Variants in ARHGAP26 observed in about 807,000 individuals in gnomAD.
ARHGAP26 encodes the protein Rho GTPase activating protein 26.
Under a neutral mutation model 104.8 loss-of-function variants are expected in ARHGAP26, and 38 were observed. The ratio of observed to expected loss-of-function variants is 0.36; its 90% CI spans 0.28 to 0.48. ARHGAP26 has a LOEUF of 0.48. Among genes scored for constraint, ARHGAP26 ranks in the 20% least tolerant of loss-of-function variants. ARHGAP26 has a pLI of 0.99. For missense variants in ARHGAP26, 704 were observed against 947.9 expected (o/e 0.74, Z 3.38); for synonymous variants, 341 against 340.0 (o/e 1.00, Z -0.03).
At chr5:143,096,360 A>C (rs1347666574) in intron 17 of ARHGAP26, among the ~76,000 whole-genome samples, 1 of 152,212 alleles carries the variant, frequency 6.6e-6, no homozygotes, top group Non-Finnish European at 1.5e-5. Context: ...TGAAAGCATA[A>C]ATTTTATCAT....
At chr5:142,976,657 T>C (rs779837669) in intron 11 of ARHGAP26, among the ~76,000 whole-genome samples, 14 of 152,178 alleles carry the variant, frequency 9.2e-5, no homozygotes, top group African/African-American at 2.4e-5. Context: ...AAGATATTTT[T>C]TTACATGCCA....
At chr5:142,847,433 C>T (rs552434598) in intron 1 of ARHGAP26, among the ~76,000 whole-genome samples, 1 of 152,116 alleles carries the variant, frequency 6.6e-6, no homozygotes, top group East Asian at 1.9e-4. Context: ...TCTCGGCTCA[C>T]AGCAACCTCT....
rs1215657095 is a variant in ARHGAP26, at chr5:143,202,566, G to GA, written c.1989-4626dup. ...ACCACTGACTTCCTTCACAGAATTA[G>GA]AAAAAACTACTTTAAATTTCATATG... is the stretch of plus-strand genomic sequence containing the variant. On this transcript the variant is annotated intron_variant, in intron 20 of 22. Coordinates refer to ENST00000645722, the MANE Select transcript of ARHGAP26 (RefSeq NM_001135608.3). 7.2e-5 allele frequency: 11 copies of GA among 152,136 alleles called. No individual in the cohort carries two copies. The South Asian group carries it at 2.3e-3, about 32-fold the overall frequency. 9.4% of individuals were successfully genotyped at this position (152,136 alleles called of 1,614,324 possible).
intron 17 of ARHGAP26, among the ~76,000 whole-genome samples, chr5:143,092,427 G>A (rs1189162612): frequency 6.6e-6 from 1 of 152,130 alleles, no homozygotes; most frequent in Non-Finnish European, 1.5e-5. Flanking sequence ...GCCTCCCAAA[G>A]TGCTGGGATT....
At chr5:142,854,638 T>G (rs1289915047) in intron 1 of ARHGAP26, among the ~76,000 whole-genome samples, 3 of 152,220 alleles carry the variant, frequency 2.0e-5, no homozygotes, top group Non-Finnish European at 4.4e-5. Context: ...TATTCTTACC[T>G]TCAGCAAAGG....
chr5:143,032,633 T>C (rs1298852674), intron 12 of ARHGAP26, among the ~76,000 whole-genome samples: 1 of 152,222 alleles, frequency 6.6e-6, no homozygotes, highest in Non-Finnish European at 1.5e-5. Flanking sequence ...CTTTTCAGAC[T>C]AGGAGATCTC....
chr5:143,201,156 C>G (rs746209278), intron 20 of ARHGAP26, among the ~76,000 whole-genome samples: 3 of 152,138 alleles, frequency 2.0e-5, no homozygotes, highest in Non-Finnish European at 4.4e-5. Context: ...GTAAGCCTAC[C>G]AGTTGAATCC....
At chr5:143,125,462 G>A (rs1360610996) in intron 18 of ARHGAP26, among the ~76,000 whole-genome samples, 1 of 152,206 alleles carries the variant, frequency 6.6e-6, no homozygotes, top group African/African-American at 2.4e-5. Context: ...CAGATAGAGT[G>A]CACTAACGAC....
chr5:142,995,384 T>C (rs1184993187), intron 11 of ARHGAP26, among the ~76,000 whole-genome samples: 1 of 152,184 alleles, frequency 6.6e-6, no homozygotes, highest in African/African-American at 2.4e-5. Flanking sequence ...AGACAAAATT[T>C]ATGCTGCCAA....
rs368839966 is a variant in ARHGAP26, at chr5:142,836,560, A to G, written c.155-36840A>G. 2.6e-5 allele frequency among the ~76,000 whole-genome samples: 4 copies of G among 152,330 alleles called. No homozygotes were observed. The East Asian group carries it at 5.8e-4, about 22-fold the overall frequency. On this transcript the variant is annotated intron_variant, in intron 1 of 22. Transcript: ENST00000645722. ...AGTAATTTCCATAGTTTTCCTTGGC[A>G]TCACTGAGTATTTTGAGACATCTCG...
chr5:143,096,046 ATG>A (rs1049656461), intron 17 of ARHGAP26, among the ~76,000 whole-genome samples: 5 of 152,256 alleles, frequency 3.3e-5, no homozygotes, highest in Admixed American at 3.3e-4. Context: ...AATTATTACA[ATG>A]TGAAAAAATA....
At chr5:142,981,157 A>T (rs535223080) in intron 11 of ARHGAP26, among the ~76,000 whole-genome samples, 16 of 152,398 alleles carry the variant, frequency 1.0e-4, no homozygotes, top group African/African-American at 3.6e-4. Context: ...ATGTGGCAGC[A>T]GTATCAGCTG....
In ARHGAP26 at chr5:143,228,062, A is replaced by C. The variant is rs936682104; in HGVS notation, c.*5616A>C. The C allele has an allele frequency of 1.4e-5, 3 of 221,196 alleles. No individual in the cohort carries two copies. The highest frequency in any genetic ancestry group is 6.7e-5 in the African/African-American group (3 of 44,712). 13.7% of individuals were successfully genotyped at this position (221,196 alleles called of 1,614,324 possible). On this transcript the variant is annotated 3_prime_UTR_variant, in exon 23 of 23. Transcript: ENST00000645722. The stretch of plus-strand genomic sequence containing the variant: ...TTAGTCAGAACCAGAGTATTGATAA[A>C]CAAAATGTCAGTTACCTGGAGCAGT...
intron 1 of ARHGAP26, among the ~76,000 whole-genome samples, chr5:142,827,103 G>GT (rs79156081): frequency 1.6e-3 from 236 of 144,450 alleles, no homozygotes; most frequent in African/African-American, 3.7e-3. Context: ...CTGAGCTTCT[G>GT]TTTTTTTTTT....
chr5:143,001,358 TTTAGA>T (rs1443282664), intron 11 of ARHGAP26, among the ~76,000 whole-genome samples: 1 of 152,208 alleles, frequency 6.6e-6, no homozygotes, highest in Non-Finnish European at 1.5e-5. Flanking sequence ...AATATTGAAC[TTTAGA>T]TGATATGTGT....
chr5:143,055,043 A>G (rs1399967604), intron 15 of ARHGAP26, among the ~76,000 whole-genome samples: 1 of 152,192 alleles, frequency 6.6e-6, no homozygotes. Context: ...TCATTTATAT[A>G]TGATACTACT....
Position 142,871,540 on chromosome 5 carries a change from G to A in ARHGAP26, c.155-1860G>A, listed in dbSNP as rs1755307391. ...CATCAGGGAACATTCTGACTAAAAT[G>A]GGAATGTGTATAACCACACCCACAT... On this transcript the variant is annotated intron_variant, in intron 1 of 22. Coordinates refer to ENST00000645722, the MANE Select transcript of ARHGAP26 (RefSeq NM_001135608.3). The surrounding 1 kb of genome is among the most constrained non-coding windows in gnomAD (Gnocchi z 4.1). Among the ~76,000 whole-genome samples, 1 of 152,216 alleles carries A rather than the reference G, an allele frequency of 6.6e-6. No individual in the cohort carries two copies. The highest frequency in any genetic ancestry group is 1.5e-5 in the Non-Finnish European group (1 of 68,044).
At chr5:142,811,538 C>T (rs889919289) in intron 1 of ARHGAP26, among the ~76,000 whole-genome samples, 1 of 152,208 alleles carries the variant, frequency 6.6e-6, no homozygotes, top group Non-Finnish European at 1.5e-5. Flanking sequence ...ACACTGTGTG[C>T]CTGCTGTGGG....
At chr5:142,872,817 T>G (rs1755511237) in intron 1 of ARHGAP26, among the ~76,000 whole-genome samples, 1 of 152,186 alleles carries the variant, frequency 6.6e-6, no homozygotes. Flanking sequence ...ACTCTGCTCA[T>G]GAGGAGAGTG....
Sources: allele counts gnomAD v4.1 joint callset (sites outside exome capture counted in the v4.1 genomes callset), GRCh38; gene constraint gnomAD v4.1.1; non-coding constraint Gnocchi (gnomAD v3.1); transcripts MANE v1.5; gene names NCBI Gene and HGNC (gene_info 2026-07-23, HGNC 2026-07-21).